CPLANE1: variants seen among roughly 807,000 people sequenced by gnomAD.
The protein encoded by CPLANE1 is ciliogenesis and planar polarity effector complex subunit 1, also known as ciliogenesis and planar polarity effector 1.
In CPLANE1, 263 loss-of-function variants were observed where a neutral mutation model predicts 362.5. The observed-to-expected ratio is 0.73, with a 90% CI of 0.66 to 0.80. CPLANE1 has a LOEUF of 0.80. Among genes scored for constraint, CPLANE1 ranks in the 30% least tolerant of loss-of-function variants. The probability of loss-of-function intolerance (pLI) is 0.00; values close to 1 mark genes in which losing one functional copy is unlikely to be tolerated. For missense variants in CPLANE1, 3,461 were observed against 3,793.4 expected, an observed-to-expected ratio of 0.91 and a Z score of 2.30; for synonymous variants, 1,212 against 1,302.6, an observed-to-expected ratio of 0.93 and a Z score of 1.50.
chr5:37,090,809 G>A, the CPLANE1 span, among the ~76,000 whole-genome samples: 3 of 152,116 alleles, frequency 2.0e-5, no homozygotes, highest in Non-Finnish European at 4.4e-5. Context: ...GGCTTACACT[G>A]TTTATTTATT....
intron 15 of CPLANE1, among the ~76,000 whole-genome samples, chr5:37,220,995 T>C (rs1021048457): frequency 6.6e-6 from 1 of 152,242 alleles, no homozygotes; most frequent in Non-Finnish European, 1.5e-5. Context: ...ATTACTATAC[T>C]GTTAAATCCT....
At chr5:37,099,003 A>C in the CPLANE1 span, among the ~76,000 whole-genome samples, 1 of 152,086 alleles carries the variant, frequency 6.6e-6, no homozygotes, top group Non-Finnish European at 1.5e-5. Flanking sequence ...AAAATGCAAG[A>C]ACAAAACAAA....
At chr5:37,110,851 A>G (rs1431940824) in intron 51 of CPLANE1, among the ~76,000 whole-genome samples, 12 of 127,082 alleles carry the variant, frequency 9.4e-5, no homozygotes, top group Admixed American at 3.2e-4. Flanking sequence ...TCTGTCGCCC[A>G]GGCTGGAGTG....
intron 47 of CPLANE1, among the ~76,000 whole-genome samples, chr5:37,123,249 T>A (rs187506456): frequency 6.6e-6 from 1 of 152,260 alleles, no homozygotes; most frequent in East Asian, 1.9e-4. Flanking sequence ...TCCAGAACAT[T>A]AAGAACTATT....
At chr5:37,131,285 C>T (rs1355858111) in intron 46 of CPLANE1, among the ~76,000 whole-genome samples, 1 of 152,112 alleles carries the variant, frequency 6.6e-6, no homozygotes, top group African/African-American at 2.4e-5. Context: ...CACCCTACTG[C>T]GTGTCAATAG....
intron 14 of CPLANE1, among the ~76,000 whole-genome samples, chr5:37,221,780 T>C (rs1221935195): frequency 6.6e-6 from 1 of 151,878 alleles, no homozygotes; most frequent in African/African-American, 2.4e-5. Context: ...TGTCAGGGGC[T>C]CCTATCTTAT....
chr5:37,226,966 T>C lies in CPLANE1; in HGVS notation c.1629A>G (p.Arg543=). 2 of 1,551,928 alleles carry C rather than the reference T, an allele frequency of 1.3e-6. No individual in the cohort carries two copies. Among genetic ancestry groups the C allele is most frequent in the Non-Finnish European group, 1.7e-6 (2 of 1,146,984 alleles). The change falls in exon 12 of 53, where the codon AGA becomes AGG. Residue 543 remains arginine, a synonymous_variant. Coordinates refer to ENST00000651892, the MANE Select transcript of CPLANE1 (RefSeq NM_001384732.1). ...DVLCSSMKEG[R]LEFASMFDTI... Reference sequence around the variant, plus strand: ...TATCAAACATAGATGCAAATTCCAATCTTCCTTCCTTCATACTACTACACA... The same window carrying C: ...TATCAAACATAGATGCAAATTCCAACCTTCCTTCCTTCATACTACTACACA...
chr5:37,109,628 T>C (rs1257501059), intron 51 of CPLANE1, among the ~76,000 whole-genome samples: 1 of 152,146 alleles, frequency 6.6e-6, no homozygotes, highest in Non-Finnish European at 1.5e-5. Context: ...AACTGCCCTA[T>C]CCCAGGAAAT....
rs527614010 is a variant in CPLANE1 at position 37,162,367 on chromosome 5, T to A, written c.7690+98A>T. The A allele has an allele frequency of 5.1e-4, 371 of 730,600 alleles. No homozygotes were observed. The African/African-American group carries it at 5.8e-3, about 11-fold the overall frequency. The allele number at this position is 730,600 out of a possible 1,614,324, so 45.3% of individuals were successfully genotyped here. A position where few individuals can be genotyped will look rare whatever the true frequency, so the allele number is the denominator to read the frequency against. The stretch of plus-strand genomic sequence containing the variant: ...GGCAGAGTAAATAATATCACATAAT[T>A]AAAAATTCCCTTTAAATCACTGTCT... On this transcript the variant is annotated intron_variant, in intron 38 of 52. Coordinates refer to ENST00000651892, the MANE Select transcript of CPLANE1 (RefSeq NM_001384732.1).
intron 26 of CPLANE1, 136 bp downstream of exon 26, chr5:37,182,621 TAGG>T: frequency 1.6e-6 from 1 of 619,036 alleles, no homozygotes; most frequent in East Asian, 3.0e-5. Flanking sequence ...AAGAAAAAAA[TAGG>T]AGATACTGAT....
intron 50 of CPLANE1, among the ~76,000 whole-genome samples, chr5:37,119,373 TA>T (rs941683833): frequency 6.6e-6 from 1 of 151,836 alleles, no homozygotes; most frequent in Non-Finnish European, 1.5e-5. Flanking sequence ...TCAATGTTAT[TA>T]AAAAAAAGCC....
rs1762289540 is a variant in CPLANE1 at position 37,120,368 on chromosome 5, A to C, written c.9186-28T>G. On this transcript the variant is annotated intron_variant, in intron 49 of 52. Coordinates refer to ENST00000651892, the MANE Select transcript of CPLANE1 (RefSeq NM_001384732.1). The stretch of plus-strand genomic sequence containing the variant: ...ATAGTAGAAATCACATAATTATTAC[A>C]TTCCCAGAATCTCATATCAGCGATA... 3 of 1,532,666 alleles carry C rather than the reference A, an allele frequency of 2.0e-6. No homozygotes were observed. The South Asian group carries it at 3.8e-5, about 19-fold the overall frequency. 94.9% of individuals were successfully genotyped at this position (1,532,666 alleles called of 1,614,324 possible).
chr5:37,227,866 CG>C, intron 9 of CPLANE1, 49 bp from the exon 10 acceptor site: 1 of 1,456,264 alleles, frequency 6.9e-7, no homozygotes, highest in Non-Finnish European at 9.1e-7. Flanking sequence ...AAAGATCTTA[CG>C]GAAAACAATA....
intron 21 of CPLANE1, among the ~76,000 whole-genome samples, chr5:37,195,517 G>A (rs1343133321): frequency 6.6e-6 from 1 of 151,350 alleles, no homozygotes; most frequent in Non-Finnish European, 1.5e-5. Context: ...GGAAGGATAG[G>A]TTCAGCCCAG....
rs115234294 is a variant in CPLANE1, at chr5:37,202,297, G to A, written c.3290-489C>T. Among the ~76,000 whole-genome samples, 176 of 151,962 alleles carry A rather than the reference G, an allele frequency of 1.2e-3. 1 individual carries two copies. The highest frequency in any genetic ancestry group is 3.9e-3 in the African/African-American group (163 of 41,442). Reference sequence around the variant, plus strand: ...CCACCTAAGCCTCCTGAGTAGCTGGGATTACAGGCACACACTATCCAGGCT... The same window carrying A: ...CCACCTAAGCCTCCTGAGTAGCTGGAATTACAGGCACACACTATCCAGGCT... On this transcript the variant is annotated intron_variant, in intron 18 of 52. Transcript: ENST00000651892.
chr5:37,135,549 G>T (rs547064965), intron 46 of CPLANE1, among the ~76,000 whole-genome samples: 1 of 152,056 alleles, frequency 6.6e-6, no homozygotes, highest in Non-Finnish European at 1.5e-5. Flanking sequence ...AAAACCATCA[G>T]ATTGGCCAGG....
chr5:37,162,424 CAAAATATATGAATTTTTTTA>C (rs1311906359), intron 38 of CPLANE1, 21 bp downstream of exon 38: 1 of 1,272,690 alleles, frequency 7.9e-7, no homozygotes, highest in Non-Finnish European at 1.1e-6. Flanking sequence ...TTAATTGTAT[CAAAATATATGAATTTTTTTA>C]AAAAGTAAAA....
At chr5:37,229,038 G>A (rs188795747) in intron 9 of CPLANE1, among the ~76,000 whole-genome samples, 364 of 151,856 alleles carry the variant, frequency 2.4e-3, no homozygotes, top group Middle Eastern at 0.01. Flanking sequence ...CGACCAATAC[G>A]GTGAAACCCC....
intron 6 of CPLANE1, 57 bp from the exon 7 acceptor site, chr5:37,239,926 T>C: frequency 1.6e-6 from 2 of 1,229,202 alleles, no homozygotes; most frequent in Non-Finnish European, 1.1e-6. Flanking sequence ...TAAATTTATA[T>C]GTAGTTCATT....
Sources: allele counts gnomAD v4.1 joint callset (sites outside exome capture counted in the v4.1 genomes callset), GRCh38; gene constraint gnomAD v4.1.1; transcripts MANE v1.5; gene names NCBI Gene and HGNC (gene_info 2026-07-23, HGNC 2026-07-21).